PLEKHH1: variants seen among roughly 807,000 people sequenced by gnomAD.
PLEKHH1 encodes the protein pleckstrin homology domain-containing family H member 1.
PLEKHH1 carries 104 observed loss-of-function variants against 160.0 expected under a neutral mutation model. The observed-to-expected ratio is 0.65, with a 90% CI of 0.55 to 0.76. The LOEUF is 0.76. Ranked by LOEUF, PLEKHH1 falls within the 30% of genes least tolerant of loss-of-function variation. The pLI is 0.00. For missense variants in PLEKHH1, 1,427 were observed against 1,724.1 expected, an observed-to-expected ratio of 0.83 and a Z score of 3.05; for synonymous variants, 619 against 678.4, an observed-to-expected ratio of 0.91 and a Z score of 1.36.
rs114684564 is a variant in PLEKHH1 at position 67,573,717 on chromosome 14, C to T, written c.1840-84C>T. The stretch of plus-strand genomic sequence containing the variant: ...GAATCATGTTTCCCTTTGCTTATGA[C>T]GTGGAGGAAGATCTGAGGGTAAATG... On this transcript the variant is annotated intron_variant, in intron 12 of 28. Coordinates refer to ENST00000329153, the MANE Select transcript of PLEKHH1 (RefSeq NM_020715.3). This position sits in a 1 kb window ranked among gnomAD's most constrained non-coding sequence, Gnocchi z 4.8. 2.6e-3 allele frequency: 2,332 copies of T among 885,152 alleles called. 39 individuals carry two copies. In the African/African-American group the frequency reaches 0.032, roughly 12 times the overall value. The allele number at this position is 885,152 out of a possible 1,614,324, so 54.8% of individuals were successfully genotyped here. A position where few individuals can be genotyped will look rare whatever the true frequency, so the allele number is the denominator to read the frequency against.
chr14:67,559,098 C>T (rs1391771427), intron 4 of PLEKHH1, among the ~76,000 whole-genome samples: 1 of 152,192 alleles, frequency 6.6e-6, no homozygotes, highest in African/African-American at 2.4e-5. Flanking sequence ...AGCCACCATG[C>T]CCAGCCAGGC....
intron 1 of PLEKHH1, among the ~76,000 whole-genome samples, chr14:67,535,516 G>A (rs1263429694): frequency 6.6e-6 from 1 of 151,756 alleles, no homozygotes; most frequent in Non-Finnish European, 1.5e-5. Flanking sequence ...AAGTGGCTGG[G>A]ATTAACAGGC....
rs577331339 is a variant in PLEKHH1 at position 67,536,925 on chromosome 14, C to T, written c.-35+3527C>T. Among the ~76,000 whole-genome samples the T allele has an allele frequency of 1.1e-4, 16 of 146,896 alleles. 1 individual carries two copies. In the East Asian group the frequency reaches 1.6e-3, roughly 15 times the overall value. Reference sequence around the variant, plus strand: ...TGTGGTGGCATCCGCCTGTAATCCCCGCTACTCAGGAGGCTGAGGCAGGAA... The same window carrying T: ...TGTGGTGGCATCCGCCTGTAATCCCTGCTACTCAGGAGGCTGAGGCAGGAA... On this transcript the variant is annotated intron_variant, in intron 1 of 28. Coordinates refer to ENST00000329153, the MANE Select transcript of PLEKHH1 (RefSeq NM_020715.3).
chr14:67,552,876 C>A (rs1177943776), intron 2 of PLEKHH1, among the ~76,000 whole-genome samples: 1 of 152,042 alleles, frequency 6.6e-6, no homozygotes, highest in African/African-American at 2.4e-5. Context: ...CCAGGGGAGA[C>A]CCCAGGCTCT....
At chr14:67,565,505 G>C (rs1247102667) in intron 7 of PLEKHH1, among the ~76,000 whole-genome samples, 1 of 152,106 alleles carries the variant, frequency 6.6e-6, no homozygotes, top group African/African-American at 2.4e-5. Context: ...TCAGCCATAA[G>C]AGCCACCTTA....
rs2035942443 is a variant in PLEKHH1, at chr14:67,582,368, C to T, written c.3426+158C>T. 3.2e-6 allele frequency: 4 copies of T among 1,251,172 alleles called. No individual in the cohort carries two copies. Among genetic ancestry groups the T allele is most frequent in the Middle Eastern group, 2.7e-4 (1 of 3,734 alleles). The allele number at this position is 1,251,172 out of a possible 1,614,324, so 77.5% of individuals were successfully genotyped here. ...TGGAAAGCAGCTGACTTCTACAGATCAGAGCTCCTCACTCACCGCAGATAT... is the reference window on the plus strand; with the variant it reads ...TGGAAAGCAGCTGACTTCTACAGATTAGAGCTCCTCACTCACCGCAGATAT... On this transcript the variant is annotated intron_variant, in intron 24 of 28. Transcript: ENST00000329153. This position sits in a 1 kb window ranked among gnomAD's most constrained non-coding sequence, Gnocchi z 5.0.
rs370810199 is a variant in PLEKHH1, at chr14:67,574,207, C to T, written c.1927-35C>T. 7 of 1,536,232 alleles carry T rather than the reference C, an allele frequency of 4.6e-6. No homozygotes were observed. The highest frequency in any genetic ancestry group is 2.5e-5 in the South Asian group (2 of 78,484). ...GGTCCTGGTTACTCCATTCTCCCAGCGTGCTGCCCCACCCCCATATCTCGC... is the reference window on the plus strand; with the variant it reads ...GGTCCTGGTTACTCCATTCTCCCAGTGTGCTGCCCCACCCCCATATCTCGC... On this transcript the variant is annotated intron_variant, in intron 13 of 28. Transcript: ENST00000329153. The surrounding 1 kb of genome is among the most constrained non-coding windows in gnomAD (Gnocchi z 4.2).
chr14:67,543,114 G>A (rs544497182), intron 2 of PLEKHH1, among the ~76,000 whole-genome samples: 28 of 152,184 alleles, frequency 1.8e-4, no homozygotes, highest in Non-Finnish European at 1.6e-4. Context: ...ATCATTATAT[G>A]TATAGTTTTG....
At chr14:67,552,368 G>T (rs1470557333) in intron 2 of PLEKHH1, among the ~76,000 whole-genome samples, 1 of 152,218 alleles carries the variant, frequency 6.6e-6, no homozygotes, top group Admixed American at 6.5e-5. Context: ...GAAAAGTGTT[G>T]ATGCTGGGGC....
chr14:67,575,214 A>G (rs4899209), intron 14 of PLEKHH1, among the ~76,000 whole-genome samples, 178 bp from the exon 15 acceptor site: 117,115 of 151,990 alleles, frequency 0.77, 45,588 homozygotes, highest in Middle Eastern at 0.86. Flanking sequence ...CTGGGGTGCC[A>G]CAGGGTGTCA....
chr14:67,579,889 C>A lies in PLEKHH1; in HGVS notation c.3183+13C>A. On this transcript the variant is annotated intron_variant, in intron 22 of 28. Transcript: ENST00000329153. ...GGGAAGTGTCAAGGTGACAGCCTCC[C>A]ACTAAGCCAGCTGAGCCCCTCCCTG... 1 of 1,586,044 alleles carries A rather than the reference C, an allele frequency of 6.3e-7. No individual in the cohort carries two copies. The highest frequency in any genetic ancestry group is 2.3e-5 in the East Asian group (1 of 43,400).
chr14:67,578,290 C>A lies in PLEKHH1; in HGVS notation c.2751+91C>A, dbSNP rs548440708. On this transcript the variant is annotated intron_variant, in intron 19 of 28. Transcript: ENST00000329153. This position sits in a 1 kb window ranked among gnomAD's most constrained non-coding sequence, Gnocchi z 5.0. ...GGGAGGAGGTGACTGGGCAGGTATA[C>A]GGTGAGCCCAGCCAGCGGGCAGCCT... 4.2e-6 allele frequency: 5 copies of A among 1,178,458 alleles called. No individual in the cohort carries two copies. In the East Asian group the frequency reaches 9.4e-5, roughly 22 times the overall value. 73.0% of individuals were successfully genotyped at this position (1,178,458 alleles called of 1,614,324 possible).
In PLEKHH1 at chr14:67,587,408, T is replaced by C; in HGVS notation, c.*173T>C. Reference sequence around the variant, plus strand: ...TACTCTCTAGGTGCCTTATAATGTTTCAGGGCTCAACTTTTTAAAATCCAG... The same window carrying C: ...TACTCTCTAGGTGCCTTATAATGTTCCAGGGCTCAACTTTTTAAAATCCAG... On this transcript the variant is annotated 3_prime_UTR_variant, in exon 29 of 29. Coordinates refer to ENST00000329153, the MANE Select transcript of PLEKHH1 (RefSeq NM_020715.3). The C allele has an allele frequency of 1.4e-6, 1 of 706,734 alleles. No homozygotes were observed. The highest frequency in any genetic ancestry group is 2.6e-5 in the Admixed American group (1 of 37,760). 43.8% of individuals were successfully genotyped at this position (706,734 alleles called of 1,614,324 possible). A position where few individuals can be genotyped will look rare whatever the true frequency, so the allele number is the denominator to read the frequency against.
chr14:67,574,554 G>A lies in PLEKHH1; in HGVS notation c.2088+151G>A, dbSNP rs1003056037. 2.0e-5 allele frequency among the ~76,000 whole-genome samples: 3 copies of A among 152,216 alleles called. No homozygotes were observed. The highest frequency in any genetic ancestry group is 2.9e-5 in the Non-Finnish European group (2 of 68,040). ...GTGACTCGCTGGCCAGCCCTCAAAC[G>A]TGGTCTGGCCACACAAGGTGATGGC... On this transcript the variant is annotated intron_variant, in intron 14 of 28. Transcript: ENST00000329153. This position sits in a 1 kb window ranked among gnomAD's most constrained non-coding sequence, Gnocchi z 4.2.
In PLEKHH1 at chr14:67,589,492, A is replaced by G. The variant is rs2036301668; in HGVS notation, c.*2257A>G. Reference sequence around the variant, plus strand: ...TGCTTGACACCATGACTGAAATACTATGATCTTGTTTGTCAATAAAAAGCA... The same window carrying G: ...TGCTTGACACCATGACTGAAATACTGTGATCTTGTTTGTCAATAAAAAGCA... On this transcript the variant is annotated 3_prime_UTR_variant, in exon 29 of 29. Transcript: ENST00000329153. 6.1e-6 allele frequency: 6 copies of G among 984,936 alleles called. No individual in the cohort carries two copies. In the South Asian group the frequency reaches 1.4e-4, roughly 23 times the overall value. The allele number at this position is 984,936 out of a possible 1,614,324, so 61.0% of individuals were successfully genotyped here. A position where few individuals can be genotyped will look rare whatever the true frequency, so the allele number is the denominator to read the frequency against.
chr14:67,580,012 C>T (rs1188528833), intron 22 of PLEKHH1, 136 bp downstream of exon 22: 5 of 763,554 alleles, frequency 6.5e-6, no homozygotes, highest in Non-Finnish European at 1.0e-5. Context: ...CCCTAGTCAG[C>T]ATTTCTGTGC....
chr14:67,541,283 G>A (rs1371435589), intron 1 of PLEKHH1, among the ~76,000 whole-genome samples: 1 of 152,122 alleles, frequency 6.6e-6, no homozygotes, highest in East Asian at 1.9e-4. Context: ...TGTGACCTTG[G>A]ATGCATCTGT....
chr14:67,582,251 C>T lies in PLEKHH1; in HGVS notation c.3426+41C>T, dbSNP rs1005684921. On this transcript the variant is annotated intron_variant, in intron 24 of 28. Coordinates refer to ENST00000329153, the MANE Select transcript of PLEKHH1 (RefSeq NM_020715.3). The surrounding 1 kb of genome is among the most constrained non-coding windows in gnomAD (Gnocchi z 5.0). The stretch of plus-strand genomic sequence containing the variant: ...GGAAGCAGGAGGGTCGGGTTGCCAG[C>T]TTAGAATGAATGCACCATGCAGCCT... The T allele has an allele frequency of 6.2e-7, 1 of 1,612,566 alleles. No homozygotes were observed. Among genetic ancestry groups the T allele is most frequent in the Non-Finnish European group, 8.5e-7 (1 of 1,179,738 alleles).
Position 67,574,195 on chromosome 14 carries a change from C to A in PLEKHH1, c.1927-47C>A. Reference sequence around the variant, plus strand: ...ACCTCGGAGCCAGGTCCTGGTTACTCCATTCTCCCAGCGTGCTGCCCCACC... The same window carrying A: ...ACCTCGGAGCCAGGTCCTGGTTACTACATTCTCCCAGCGTGCTGCCCCACC... On this transcript the variant is annotated intron_variant, in intron 13 of 28. Coordinates refer to ENST00000329153, the MANE Select transcript of PLEKHH1 (RefSeq NM_020715.3). The surrounding 1 kb of genome is among the most constrained non-coding windows in gnomAD (Gnocchi z 4.2). 1 of 1,514,116 alleles carries A rather than the reference C, an allele frequency of 6.6e-7. No individual in the cohort carries two copies. The highest frequency in any genetic ancestry group is 1.3e-5 in the South Asian group (1 of 75,422). The allele number at this position is 1,514,116 out of a possible 1,614,324, so 93.8% of individuals were successfully genotyped here. A position where few individuals can be genotyped will look rare whatever the true frequency, so the allele number is the denominator to read the frequency against.
Sources: gnomAD v4.1 joint callset for allele counts (sites outside exome capture counted in the v4.1 genomes callset) on GRCh38, gnomAD v4.1.1 for gene constraint, Gnocchi (gnomAD v3.1) non-coding constraint, MANE v1.5 for transcripts, NCBI Gene and HGNC (gene_info 2026-07-23, HGNC 2026-07-21) for gene names.